CEP128: variants seen among roughly 807,000 people sequenced by gnomAD.
CEP128 encodes centrosomal protein 128.
CEP128 carries 132 observed loss-of-function variants against 156.7 expected under a neutral mutation model. That is an observed-to-expected ratio of 0.84 (90% CI 0.73 to 0.97). The LOEUF is 0.97. Ranked by LOEUF, CEP128 falls within the 50% of genes least tolerant of loss-of-function variation. The probability of loss-of-function intolerance (pLI) is 0.00; values close to 1 mark genes in which losing one functional copy is unlikely to be tolerated. For missense variants in CEP128, 1,252 were observed against 1,281.9 expected (o/e 0.98, Z 0.36); for synonymous variants, 469 against 448.9 (o/e 1.04, Z -0.57).
In CEP128 at chr14:80,819,959, T is replaced by G. The variant is rs375952954; in HGVS notation, c.1209+11184A>C. ...ACCTGAAACCAAACTACATATGAAA[T>G]TATATAATCTAATCAGACACAAAGA... On this transcript the variant is annotated intron_variant, in intron 13 of 24. Transcript: ENST00000555265. 1.4e-4 allele frequency among the ~76,000 whole-genome samples: 22 copies of G among 152,196 alleles called. No individual in the cohort carries two copies. In the South Asian group the frequency reaches 3.7e-3, roughly 26 times the overall value.
At chr14:80,492,170 TG>T (rs1887346588), downstream of CEP128, among the ~76,000 whole-genome samples, 1 of 152,198 alleles carries the variant, frequency 6.6e-6, no homozygotes, top group South Asian at 2.1e-4. Context: ...ACACACATTT[TG>T]GGAACTGCTC....
chr14:80,480,945 T>C (rs1887039779), intron 14 of CEP128, among the ~76,000 whole-genome samples: 1 of 152,140 alleles, frequency 6.6e-6, no homozygotes, highest in Admixed American at 6.6e-5. Flanking sequence ...ATTGCTATCA[T>C]CATTTTGGGC....
chr14:80,803,222 C>G (rs541959421), intron 13 of CEP128, among the ~76,000 whole-genome samples: 5 of 152,050 alleles, frequency 3.3e-5, no homozygotes, highest in Non-Finnish European at 5.9e-5. Flanking sequence ...ATTCTTTGTG[C>G]TCTATTTCAA....
At chr14:80,494,500 G>C (rs888964033), downstream of CEP128, among the ~76,000 whole-genome samples, 5 of 152,130 alleles carry the variant, frequency 3.3e-5, no homozygotes, top group Admixed American at 6.6e-5. Flanking sequence ...AAAAGAGTTT[G>C]CTAAGTAAAT....
At chr14:80,598,824 A>G (rs1339593541) in intron 19 of CEP128, among the ~76,000 whole-genome samples, 2 of 152,196 alleles carry the variant, frequency 1.3e-5, no homozygotes, top group Non-Finnish European at 2.9e-5. Context: ...AGAAAATCCA[A>G]ATTATAGAAA....
chr14:80,800,824 G>A (rs1883798889), intron 13 of CEP128, among the ~76,000 whole-genome samples: 1 of 152,196 alleles, frequency 6.6e-6, no homozygotes, highest in Non-Finnish European at 1.5e-5. Context: ...GCATATGAAT[G>A]AGCAGGAGAG....
intron 2 of CEP128, among the ~76,000 whole-genome samples, chr14:80,948,148 A>G (rs940004375): frequency 6.7e-6 from 1 of 149,810 alleles, no homozygotes; most frequent in Non-Finnish European, 1.5e-5. Flanking sequence ...CAATCAAGTC[A>G]GTGGTGAAAT....
intron 21 of CEP128, among the ~76,000 whole-genome samples, chr14:80,531,368 G>C (rs1889219395): frequency 6.6e-6 from 1 of 152,092 alleles, no homozygotes; most frequent in Admixed American, 6.5e-5. Context: ...AAAGAGGAGT[G>C]GTTCTCAAGA....
intron 5 of CEP128, 37 bp downstream of exon 5, chr14:80,905,918 T>C (rs201766162): frequency 4.2e-5 from 68 of 1,601,272 alleles, no homozygotes; most frequent in Non-Finnish European, 5.5e-5. Context: ...ACTTCAAAAA[T>C]ATTTTTAATG....
At chr14:80,606,721 G>C (rs1461889546) in intron 19 of CEP128, among the ~76,000 whole-genome samples, 1 of 152,054 alleles carries the variant, frequency 6.6e-6, no homozygotes, top group Admixed American at 6.6e-5. Context: ...GTTTAGAACA[G>C]ACCTCAAAGG....
intron 13 of CEP128, among the ~76,000 whole-genome samples, chr14:80,807,946 T>C (rs1248325103): frequency 2.0e-5 from 3 of 152,108 alleles, no homozygotes; most frequent in African/African-American, 7.2e-5. Flanking sequence ...CCTAGTACTC[T>C]AGCACACAGG....
At chr14:80,866,382 C>G (rs1887770307) in intron 8 of CEP128, among the ~76,000 whole-genome samples, 1 of 152,126 alleles carries the variant, frequency 6.6e-6, no homozygotes, top group Non-Finnish European at 1.5e-5. Flanking sequence ...GCCAGGCCAG[C>G]CCCAGAGGAG....
intron 19 of CEP128, among the ~76,000 whole-genome samples, chr14:80,667,659 C>G (rs1409810192): frequency 6.6e-6 from 1 of 152,018 alleles, no homozygotes; most frequent in Non-Finnish European, 1.5e-5. Flanking sequence ...GAGATCAAGA[C>G]CATCCTGGCT....
At chr14:80,753,643 G>C (rs1011493040) in intron 18 of CEP128, among the ~76,000 whole-genome samples, 4 of 152,148 alleles carry the variant, frequency 2.6e-5, no homozygotes, top group African/African-American at 9.7e-5. Flanking sequence ...TTCTTGCCAT[G>C]ATGTGAACAA....
chr14:80,774,368 T>C (rs563455270), intron 16 of CEP128, among the ~76,000 whole-genome samples: 1 of 152,266 alleles, frequency 6.6e-6, no homozygotes, highest in East Asian at 1.9e-4. Flanking sequence ...AAATACCACC[T>C]TGTTAAGCAA....
chr14:80,616,437 C>T (rs946752967), intron 19 of CEP128, among the ~76,000 whole-genome samples: 1 of 152,200 alleles, frequency 6.6e-6, no homozygotes, highest in Non-Finnish European at 1.5e-5. Flanking sequence ...GTTTTTACCA[C>T]TGGGAAATAG....
rs188637799 is a variant in CEP128 at position 80,935,679 on chromosome 14, A to T, written c.-16+3706T>A. 7.0e-3 allele frequency among the ~76,000 whole-genome samples: 1,013 copies of T among 145,204 alleles called. 16 individuals carry two copies. Among genetic ancestry groups the T allele is most frequent in the Non-Finnish European group, 8.8e-3 (581 of 65,804 alleles). On this transcript the variant is annotated intron_variant, in intron 2 of 24. Coordinates refer to ENST00000555265, the MANE Select transcript of CEP128 (RefSeq NM_152446.5). The stretch of plus-strand genomic sequence containing the variant: ...AAAAAAAAAAAAAAACAGAACACAC[A>T]TGAGCTAGCTTAAGTGAAACAGAAA...
chr14:80,485,975 G>A (rs1200646736), downstream of CEP128, among the ~76,000 whole-genome samples: 3 of 152,188 alleles, frequency 2.0e-5, no homozygotes, highest in Non-Finnish European at 4.4e-5. Flanking sequence ...TGTAAACACA[G>A]TTTGAGGAGC....
At chr14:80,851,766 GTGTTT>G (rs1230597001) in intron 9 of CEP128, among the ~76,000 whole-genome samples, 2 of 151,806 alleles carry the variant, frequency 1.3e-5, no homozygotes, top group Non-Finnish European at 2.9e-5. Flanking sequence ...AAACTATAAG[GTGTTT>G]TGTAAGAAAC....
Sources: allele counts gnomAD v4.1 joint callset (sites outside exome capture counted in the v4.1 genomes callset), GRCh38; gene constraint gnomAD v4.1.1; transcripts MANE v1.5; gene names NCBI Gene and HGNC (gene_info 2026-07-23, HGNC 2026-07-21).